CDH13: variants seen among roughly 807,000 people sequenced by gnomAD.
CDH13 encodes the protein cadherin-13.
A neutral mutation model predicts 63.8 loss-of-function variants in CDH13; 24 were observed. The observed-to-expected ratio is 0.38, with a 90% CI of 0.27 to 0.53. CDH13 has a LOEUF of 0.53. Ranked by LOEUF, CDH13 falls within the 20% of genes least tolerant of loss-of-function variation. CDH13 has a pLI of 0.85. For synonymous variants in CDH13, 503 were observed against 355.3 expected (o/e 1.42, Z -4.67); for missense variants, 1,049 against 903.1 (o/e 1.16, Z -2.07).
At chr16:82,842,526 C>T (rs560149995) in intron 1 of CDH13, among the ~76,000 whole-genome samples, 2 of 152,132 alleles carry the variant, frequency 1.3e-5, no homozygotes, top group Admixed American at 6.5e-5. Context: ...ACCTTACTCA[C>T]CCCTCCATGA....
chr16:83,078,805 T>A (rs1597288485), intron 3 of CDH13, among the ~76,000 whole-genome samples: 1 of 152,224 alleles, frequency 6.6e-6, no homozygotes, highest in South Asian at 2.1e-4. Flanking sequence ...TTTTTTGGTT[T>A]TTTTTGAGAC....
At chr16:83,177,742 T>C (rs2038186350) in intron 4 of CDH13, among the ~76,000 whole-genome samples, 1 of 152,214 alleles carries the variant, frequency 6.6e-6, no homozygotes, top group South Asian at 2.1e-4. Context: ...GGTCAAGTAT[T>C]GCATTAGGAG....
At chr16:83,509,994 A>G (rs1409906819) in intron 7 of CDH13, among the ~76,000 whole-genome samples, 4 of 152,172 alleles carry the variant, frequency 2.6e-5, no homozygotes, top group South Asian at 2.1e-4. Context: ...CCTTGTGTCT[A>G]TCATTAGCCC....
intron 1 of CDH13, among the ~76,000 whole-genome samples, chr16:82,763,468 T>C (rs550902211): frequency 1.3e-5 from 2 of 152,282 alleles, no homozygotes; most frequent in African/African-American, 4.8e-5. Flanking sequence ...ACTCAACAAC[T>C]GTTTGCTGAA....
At chr16:82,687,497 A>G (rs1915197717) in intron 1 of CDH13, among the ~76,000 whole-genome samples, 1 of 152,158 alleles carries the variant, frequency 6.6e-6, no homozygotes, top group African/African-American at 2.4e-5. Flanking sequence ...GCAGAAGGTG[A>G]AGGAGGAGCA....
chr16:83,259,428 C>G (rs574235607), intron 5 of CDH13, among the ~76,000 whole-genome samples: 1 of 152,238 alleles, frequency 6.6e-6, no homozygotes, highest in Admixed American at 6.5e-5. Context: ...TCAGGTATGG[C>G]TGTACCCACC....
rs971991330 is a variant in CDH13, at chr16:83,245,902, C to A, written c.636+28405C>A. Among the ~76,000 whole-genome samples, 3 of 152,142 alleles carry A rather than the reference C, an allele frequency of 2.0e-5. No individual in the cohort carries two copies. The South Asian group carries it at 6.2e-4, about 32-fold the overall frequency. On this transcript the variant is annotated intron_variant, in intron 5 of 13. Transcript: ENST00000567109. Reference sequence around the variant, plus strand: ...GGACTACAGGCACGCACCACCATACCCAGCTTGTATTTTTTGTAGAGACTA... The same window carrying A: ...GGACTACAGGCACGCACCACCATACACAGCTTGTATTTTTTGTAGAGACTA...
At chr16:83,569,055 T>C (rs947704507) in intron 7 of CDH13, among the ~76,000 whole-genome samples, 6 of 152,092 alleles carry the variant, frequency 3.9e-5, no homozygotes, top group Non-Finnish European at 8.8e-5. Context: ...CAAACCACTG[T>C]CTGGCCTCCT....
At chr16:83,554,870 A>G (rs1435921268) in intron 7 of CDH13, among the ~76,000 whole-genome samples, 1 of 151,764 alleles carries the variant, frequency 6.6e-6, no homozygotes, top group Non-Finnish European at 1.5e-5. Flanking sequence ...ACACACATAC[A>G]AAGTTACTGC....
chr16:82,921,249 A>G (rs776883966), intron 2 of CDH13, among the ~76,000 whole-genome samples: 2 of 152,184 alleles, frequency 1.3e-5, no homozygotes, highest in African/African-American at 4.8e-5. Flanking sequence ...GGTGGAATTA[A>G]GTGCTGGCAG....
At chr16:82,701,321 C>A (rs1263573512) in intron 1 of CDH13, among the ~76,000 whole-genome samples, 1 of 152,048 alleles carries the variant, frequency 6.6e-6, no homozygotes, top group African/African-American at 2.4e-5. Context: ...TCTCTTTTTC[C>A]ATCCAACTTA....
chr16:83,300,251 A>G (rs2089701757), intron 5 of CDH13, among the ~76,000 whole-genome samples: 2 of 152,236 alleles, frequency 1.3e-5, no homozygotes, highest in South Asian at 2.1e-4. Flanking sequence ...GAGATTTTGT[A>G]GTTTAAACTC....
intron 5 of CDH13, among the ~76,000 whole-genome samples, chr16:83,304,054 A>G (rs2089816306): frequency 6.6e-6 from 1 of 152,198 alleles, no homozygotes; most frequent in African/African-American, 2.4e-5. Context: ...TGAGCATAAA[A>G]TATTTTAATT....
chr16:83,297,748 A>G (rs986009433), intron 5 of CDH13, among the ~76,000 whole-genome samples: 59 of 152,230 alleles, frequency 3.9e-4, no homozygotes, highest in Non-Finnish European at 4.8e-4. Flanking sequence ...GTTAATATAT[A>G]TCCTATGGAT....
intron 7 of CDH13, among the ~76,000 whole-genome samples, chr16:83,555,875 A>G (rs1338414124): frequency 6.6e-6 from 1 of 152,226 alleles, no homozygotes; most frequent in Non-Finnish European, 1.5e-5. Context: ...TATCCATGCA[A>G]GAGTATTCCG....
intron 1 of CDH13, among the ~76,000 whole-genome samples, chr16:82,637,374 G>A (rs1158710430): frequency 1.1e-4 from 16 of 149,624 alleles, no homozygotes; most frequent in Admixed American, 1.1e-3. Context: ...TGTATGCCAG[G>A]CACTCACCTA....
chr16:83,443,739 T>TATATATATATATATATATATATATATA (rs2072568710), intron 6 of CDH13, among the ~76,000 whole-genome samples: 1 of 37,394 alleles, frequency 2.7e-5, no homozygotes, highest in South Asian at 7.1e-4. Context: ...AAAAAAAATA[T>TATATATATATATATATATATATATATA]ATATATATAT....
intron 11 of CDH13, among the ~76,000 whole-genome samples, chr16:83,765,749 C>G (rs1914335501): frequency 6.6e-6 from 1 of 151,576 alleles, no homozygotes; most frequent in African/African-American, 2.4e-5. Context: ...CAAAGGATAA[C>G]CTTAGAAGAC....
In CDH13 at chr16:83,034,544, T is replaced by A. The variant is rs922823644; in HGVS notation, c.366+2326T>A. ...TGATATAAATTATGTGGCAAATATCTAAAGCAACAAAGTTGCCAGGATATA... is the reference window on the plus strand; with the variant it reads ...TGATATAAATTATGTGGCAAATATCAAAAGCAACAAAGTTGCCAGGATATA... On this transcript the variant is annotated intron_variant, in intron 3 of 13. Coordinates refer to ENST00000567109, the MANE Select transcript of CDH13 (RefSeq NM_001257.5). Among the ~76,000 whole-genome samples the A allele has an allele frequency of 2.0e-5, 3 of 152,184 alleles. No individual in the cohort carries two copies. The South Asian group carries it at 6.2e-4, about 32-fold the overall frequency.
Sources: gnomAD v4.1 joint callset for allele counts (sites outside exome capture counted in the v4.1 genomes callset) on GRCh38, gnomAD v4.1.1 for gene constraint, MANE v1.5 for transcripts, NCBI Gene and HGNC (gene_info 2026-07-23, HGNC 2026-07-21) for gene names.